GPC5: variants seen among roughly 807,000 people sequenced by gnomAD.
The protein encoded by GPC5 is glypican 5.
Under a neutral mutation model 53.9 loss-of-function variants are expected in GPC5, and 47 were observed. The observed-to-expected ratio is 0.87, with a 90% CI of 0.69 to 1.11. The LOEUF (loss-of-function observed/expected upper bound fraction) is 1.11. Ranked by LOEUF, GPC5 falls within the 50% of genes most tolerant of loss-of-function variation. The pLI is 0.00. For missense variants in GPC5, 748 were observed against 713.1 expected (o/e 1.05, Z -0.56); for synonymous variants, 286 against 263.3 (o/e 1.09, Z -0.84).
intron 5 of GPC5, among the ~76,000 whole-genome samples, chr13:91,881,466 C>G (rs2039263006): frequency 6.6e-6 from 1 of 152,120 alleles, no homozygotes; most frequent in South Asian, 2.1e-4. Flanking sequence ...TTAGTCTCCT[C>G]ATCAGAAATT....
rs531268676 is a variant in GPC5 at position 91,760,886 on chromosome 13, G to A, written c.1280+4466G>A. 4.6e-5 allele frequency among the ~76,000 whole-genome samples: 7 copies of A among 152,228 alleles called. No homozygotes were observed. In the East Asian group the frequency reaches 7.7e-4, roughly 17 times the overall value. On this transcript the variant is annotated intron_variant, in intron 5 of 7. Coordinates refer to ENST00000377067, the MANE Select transcript of GPC5 (RefSeq NM_004466.6). ...AAATCTATTTAACTCAAATGATTTC[G>A]AAGACTGTATTCATATCATATACTC...
intron 7 of GPC5, among the ~76,000 whole-genome samples, chr13:92,554,031 A>T (rs1276728313): frequency 1.3e-5 from 2 of 152,004 alleles, no homozygotes; most frequent in African/African-American, 4.8e-5. Context: ...TGTATAATTC[A>T]TATACTTATG....
intron 7 of GPC5, among the ~76,000 whole-genome samples, chr13:92,319,794 A>G (rs1426349080): frequency 3.3e-5 from 5 of 152,174 alleles, no homozygotes; most frequent in Non-Finnish European, 4.4e-5. Flanking sequence ...TGTTATTGCC[A>G]TGATTTTCCA....
chr13:92,625,432 CT>C (rs1053136437), intron 7 of GPC5, among the ~76,000 whole-genome samples: 5 of 152,076 alleles, frequency 3.3e-5, no homozygotes, highest in Non-Finnish European at 5.9e-5. Flanking sequence ...TGATGAAATA[CT>C]TTTAGGAAAT....
At chr13:92,756,259 G>A (rs1225390320) in intron 7 of GPC5, among the ~76,000 whole-genome samples, 8 of 151,792 alleles carry the variant, frequency 5.3e-5, no homozygotes, top group African/African-American at 7.3e-5. Flanking sequence ...ATGCAGAAAA[G>A]GCCTTTGACA....
At chr13:91,501,177 C>A (rs1010278600) in intron 2 of GPC5, among the ~76,000 whole-genome samples, 1 of 151,854 alleles carries the variant, frequency 6.6e-6, no homozygotes, top group Non-Finnish European at 1.5e-5. Context: ...AGTTTAATAT[C>A]CTTTGTCCTG....
chr13:92,253,929 A>T (rs2042709295), intron 7 of GPC5, among the ~76,000 whole-genome samples: 1 of 152,142 alleles, frequency 6.6e-6, no homozygotes, highest in South Asian at 2.1e-4. Flanking sequence ...GAATGTCTAT[A>T]GAGTGTCAGG....
intron 7 of GPC5, among the ~76,000 whole-genome samples, chr13:92,508,774 T>C (rs16947706): frequency 0.018 from 2,722 of 152,258 alleles, 84 homozygotes; most frequent in African/African-American, 0.062. Context: ...GGTAAAACAA[T>C]TTAATAAAAA....
Position 91,812,155 on chromosome 13 carries a change from C to A in GPC5, c.1280+55735C>A, listed in dbSNP as rs1291601768. Among the ~76,000 whole-genome samples the A allele has an allele frequency of 3.9e-5, 6 of 152,236 alleles. No individual in the cohort carries two copies. The East Asian group carries it at 7.7e-4, about 20-fold the overall frequency. ...TCATTGAAGAAAATATTTATGAATG[C>A]ATTAACTAAGATGAAATTAGCAGAT... On this transcript the variant is annotated intron_variant, in intron 5 of 7. Transcript: ENST00000377067.
At chr13:92,648,419 C>A (rs1472661219) in intron 7 of GPC5, among the ~76,000 whole-genome samples, 3 of 95,054 alleles carry the variant, frequency 3.2e-5, no homozygotes, top group Non-Finnish European at 1.0e-4. Context: ...TGCTGATATT[C>A]AATATTAGGC....
chr13:91,399,202 G>T lies in GPC5; in HGVS notation c.156G>T (p.Pro52=). ...LGAVRGLPDS[P]RAGPDLQVCI... is the part of the protein sequence containing the mutation. ...CTGTCAGGGGGCTGCCGGATTCGCC[G>T]CGGGCAGGTAAGGGGCAATGAGGGG... is the stretch of plus-strand genomic sequence containing the variant. The change falls in exon 1 of 8, where the codon CCG becomes CCT. Residue 52 remains proline, a synonymous_variant. Transcript: ENST00000377067. The T allele has an allele frequency of 6.2e-7, 1 of 1,611,884 alleles. No individual in the cohort carries two copies. Among genetic ancestry groups the T allele is most frequent in the Admixed American group, 1.7e-5 (1 of 59,948 alleles).
At chr13:91,571,896 T>TATAC (rs1566516070) in intron 2 of GPC5, among the ~76,000 whole-genome samples, 1,732 of 75,608 alleles carry the variant, frequency 0.023, 188 homozygotes, top group Non-Finnish European at 0.031. Context: ...CGTGTGTATA[T>TATAC]ACACATATTG....
intron 7 of GPC5, among the ~76,000 whole-genome samples, chr13:92,577,418 A>ATGTGTGTGTGTGTGTGTGTGTGTG (rs56162097): frequency 8.3e-5 from 12 of 145,442 alleles, no homozygotes; most frequent in African/African-American, 2.0e-4. Flanking sequence ...ATGTATGTAT[A>ATGTGTGTGTGTGTGTGTGTGTGTG]TGTGTGTGTG....
At chr13:92,766,167 A>G (rs918643003) in intron 7 of GPC5, among the ~76,000 whole-genome samples, 1 of 152,100 alleles carries the variant, frequency 6.6e-6, no homozygotes, top group Non-Finnish European at 1.5e-5. Context: ...CTACCCTTAT[A>G]TGAGTCTACC....
chr13:92,503,741 C>A (rs898548401), intron 7 of GPC5, among the ~76,000 whole-genome samples: 1 of 151,760 alleles, frequency 6.6e-6, no homozygotes, highest in Non-Finnish European at 1.5e-5. Flanking sequence ...CACAAAAAAT[C>A]CTACACACCA....
intron 6 of GPC5, among the ~76,000 whole-genome samples, chr13:91,944,189 G>A (rs1229805138): frequency 1.3e-5 from 2 of 151,880 alleles, no homozygotes; most frequent in Non-Finnish European, 2.9e-5. Context: ...TCCGCCTCCT[G>A]GGTTCACGTC....
At chr13:91,758,631 A>G (rs1228208357) in intron 5 of GPC5, among the ~76,000 whole-genome samples, 1 of 152,156 alleles carries the variant, frequency 6.6e-6, no homozygotes, top group East Asian at 1.9e-4. Flanking sequence ...TTCGTGGTTT[A>G]TGAATTTGAA....
chr13:92,026,253 A>G (rs2040799974), intron 6 of GPC5, among the ~76,000 whole-genome samples: 1 of 152,008 alleles, frequency 6.6e-6, no homozygotes, highest in African/African-American at 2.4e-5. Context: ...TTAATAATGT[A>G]TAGTTTCTTT....
intron 7 of GPC5, among the ~76,000 whole-genome samples, chr13:92,631,959 A>C (rs909648714): frequency 5.9e-5 from 9 of 152,192 alleles, no homozygotes; most frequent in African/African-American, 1.9e-4. Context: ...AAAATTCAAA[A>C]TAATCCTCAA....
Sources: gnomAD v4.1 joint callset for allele counts (sites outside exome capture counted in the v4.1 genomes callset) on GRCh38, gnomAD v4.1.1 for gene constraint, MANE v1.5 for transcripts, NCBI Gene and HGNC (gene_info 2026-07-23, HGNC 2026-07-21) for gene names.